The following SDCBP variants were observed in gnomAD, a reference collection of about 807,000 sequenced individuals.
The protein encoded by SDCBP is syndecan binding protein.
A neutral mutation model predicts 30.5 loss-of-function variants in SDCBP; 22 were observed. The observed-to-expected ratio is 0.72, with a 90% CI of 0.52 to 1.03. SDCBP has a LOEUF of 1.03. Ranked by LOEUF, SDCBP falls within the 50% of genes least tolerant of loss-of-function variation. The pLI, the probability that SDCBP is intolerant of heterozygous loss-of-function variation, is 0.00. For synonymous variants in SDCBP, 103 were observed against 118.7 expected (o/e 0.87, Z 0.86); for missense variants, 304 against 369.9 (o/e 0.82, Z 1.46).
intron 1 of SDCBP, among the ~76,000 whole-genome samples, chr8:58,555,143 T>C (rs1804026867): frequency 6.6e-6 from 1 of 152,240 alleles, no homozygotes; most frequent in Non-Finnish European, 1.5e-5. Context: ...TCAGCATATA[T>C]AGCTTTCAAG....
chr8:58,579,847 C>G (rs1333593872), intron 7 of SDCBP, 53 bp downstream of exon 7: 3 of 1,506,220 alleles, frequency 2.0e-6, no homozygotes, highest in African/African-American at 2.8e-5. Context: ...AAATGTCTGT[C>G]TTTTGACTGT....
chr8:58,570,249 AGTGTCAGAGT>A (rs1471798661), intron 2 of SDCBP, among the ~76,000 whole-genome samples: 3 of 152,232 alleles, frequency 2.0e-5, no homozygotes, highest in Admixed American at 6.5e-5. Flanking sequence ...TAAATGCTAG[AGTGTCAGAGT>A]GTGTCAGAGT....
At chr8:58,571,031 A>G (rs1804987090) in intron 3 of SDCBP, 66 bp downstream of exon 3, 2 of 1,223,352 alleles carry the variant, frequency 1.6e-6, no homozygotes, top group Non-Finnish European at 1.2e-6. Context: ...TGCTCATATA[A>G]GGAATCCAAG....
intron 2 of SDCBP, among the ~76,000 whole-genome samples, chr8:58,568,783 C>A (rs1804850096): frequency 6.6e-6 from 1 of 152,144 alleles, no homozygotes. Flanking sequence ...TGACTGTATA[C>A]CATTGTAGCA....
chr8:58,580,067 T>C (rs1311748267), intron 7 of SDCBP: 1 of 323,068 alleles, frequency 3.1e-6, no homozygotes, highest in Non-Finnish European at 5.6e-6. Context: ...ATATGAATAG[T>C]GGCCCAGCAT....
intron 6 of SDCBP, 120 bp downstream of exon 6, chr8:58,578,328 C>T: frequency 1.5e-6 from 1 of 676,078 alleles, no homozygotes; most frequent in African/African-American, 1.9e-5. Context: ...TATTGATGAG[C>T]CTTATAGTCT....
At chr8:58,555,013 CAAACATATAAGCTGT>C (rs1804019180) in intron 1 of SDCBP, among the ~76,000 whole-genome samples, 1 of 152,194 alleles carries the variant, frequency 6.6e-6, no homozygotes, top group Non-Finnish European at 1.5e-5. Context: ...TCTACACAGG[CAAACATATAAGCTGT>C]ATTTGCCTCC....
At chr8:58,572,183 A>C (rs1805062997) in intron 3 of SDCBP, 22 bp from the exon 4 acceptor site, 2 of 1,453,360 alleles carry the variant, frequency 1.4e-6, no homozygotes, top group South Asian at 2.3e-5. Flanking sequence ...AGTGCTTTTT[A>C]ATTTATTCAT....
At chr8:58,563,380 A>C (rs1804534906) in intron 1 of SDCBP, among the ~76,000 whole-genome samples, 1 of 152,196 alleles carries the variant, frequency 6.6e-6, no homozygotes, top group Admixed American at 6.5e-5. Context: ...GCAGGTAAAA[A>C]CAGAGGCGGG....
chr8:58,565,949 G>T (rs116308562), intron 2 of SDCBP, among the ~76,000 whole-genome samples: 2,087 of 152,130 alleles, frequency 0.014, 57 homozygotes, highest in African/African-American at 0.049. Flanking sequence ...TAGAAAGTGA[G>T]ATATTCAATT....
rs562235559 is a variant in SDCBP at position 58,555,632 on chromosome 8, G to C, written c.-16+2329G>C. On this transcript the variant is annotated intron_variant, in intron 1 of 8. Coordinates refer to ENST00000260130, the MANE Select transcript of SDCBP (RefSeq NM_005625.4). ...TGGCTCTGATGATTAGCCAGATTGA[G>C]AAACATTGCTCTGGAAGACTGCTTA... Among the ~76,000 whole-genome samples, 71 of 152,266 alleles carry C rather than the reference G, an allele frequency of 4.7e-4. 2 individuals are homozygous for C. In the South Asian group the frequency reaches 0.014, roughly 30 times the overall value.
At chr8:58,580,243 TTAA>T (rs1461885306) in intron 7 of SDCBP, among the ~76,000 whole-genome samples, 2 of 152,156 alleles carry the variant, frequency 1.3e-5, no homozygotes, top group Admixed American at 1.3e-4. Context: ...GAATACACAG[TTAA>T]TAAGAGGAGA....
intron 5 of SDCBP, among the ~76,000 whole-genome samples, chr8:58,576,851 A>T (rs946533333): frequency 6.6e-6 from 1 of 152,230 alleles, no homozygotes; most frequent in Admixed American, 6.5e-5. Flanking sequence ...ATAGAAAATT[A>T]TAAGTGTGGT....
intron 2 of SDCBP, among the ~76,000 whole-genome samples, chr8:58,568,008 A>G (rs1348097204): frequency 6.6e-6 from 1 of 152,186 alleles, no homozygotes; most frequent in Non-Finnish European, 1.5e-5. Flanking sequence ...CTAGGACATT[A>G]TTGTATACTG....
At chr8:58,557,866 C>T (rs1433994920) in intron 1 of SDCBP, among the ~76,000 whole-genome samples, 3 of 152,054 alleles carry the variant, frequency 2.0e-5, no homozygotes, top group Admixed American at 6.6e-5. Context: ...TAGTTTAGTT[C>T]GTACAATAAT....
At chr8:58,568,690 A>G (rs957367504) in intron 2 of SDCBP, among the ~76,000 whole-genome samples, 3 of 152,216 alleles carry the variant, frequency 2.0e-5, no homozygotes, top group African/African-American at 7.2e-5. Flanking sequence ...GTCACTAGAC[A>G]GTAGGAATTT....
In SDCBP at chr8:58,555,695, G is replaced by A. The variant is rs574114410; in HGVS notation, c.-16+2392G>A. On this transcript the variant is annotated intron_variant, in intron 1 of 8. Coordinates refer to ENST00000260130, the MANE Select transcript of SDCBP (RefSeq NM_005625.4). ...TTGTGTTTCTAGACCTCATGTATGAGCCATCTGGAATGCTTACTATCTGGG... is the reference window on the plus strand; with the variant it reads ...TTGTGTTTCTAGACCTCATGTATGAACCATCTGGAATGCTTACTATCTGGG... 3.3e-5 allele frequency among the ~76,000 whole-genome samples: 5 copies of A among 151,904 alleles called. No individual in the cohort carries two copies. In the East Asian group the frequency reaches 9.7e-4, roughly 29 times the overall value.
intron 1 of SDCBP, among the ~76,000 whole-genome samples, chr8:58,558,433 T>C (rs9297996): frequency 0.41 from 61,974 of 151,894 alleles, 13,421 homozygotes; most frequent in African/African-American, 0.55. Context: ...AGGCATGTGC[T>C]GCTGTCCCTG....
At chr8:58,575,097 C>G (rs10085973) in intron 4 of SDCBP, among the ~76,000 whole-genome samples, 50,779 of 152,046 alleles carry the variant, frequency 0.33, 8,679 homozygotes, top group East Asian at 0.55. Flanking sequence ...TTTTCAGATT[C>G]CACATATAAG....
Sources: allele counts gnomAD v4.1 joint callset (sites outside exome capture counted in the v4.1 genomes callset), GRCh38; gene constraint gnomAD v4.1.1; transcripts MANE v1.5; gene names NCBI Gene and HGNC (gene_info 2026-07-23, HGNC 2026-07-21).